ZDHHC2: variants seen among roughly 807,000 people sequenced by gnomAD.
ZDHHC2 encodes zDHHC palmitoyltransferase 2.
ZDHHC2 carries 51 observed loss-of-function variants against 55.6 expected under a neutral mutation model. The observed-to-expected ratio is 0.92, with a 90% CI of 0.73 to 1.16. The LOEUF (loss-of-function observed/expected upper bound fraction) is 1.16, where lower values mean the gene tolerates loss of function less well. Among genes scored for constraint, ZDHHC2 ranks in the 50% most tolerant of loss-of-function variants. ZDHHC2 has a pLI of 0.00. For synonymous variants in ZDHHC2, 199 were observed against 152.9 expected, an observed-to-expected ratio of 1.30 and a Z score of -2.22; for missense variants, 491 against 442.4, an observed-to-expected ratio of 1.11 and a Z score of -0.99.
intron 1 of ZDHHC2, among the ~76,000 whole-genome samples, chr8:17,165,589 T>C (rs990649653): frequency 4.6e-5 from 7 of 152,214 alleles, no homozygotes; most frequent in East Asian, 3.8e-4. Flanking sequence ...CCATAATTCA[T>C]TGGACACCCT....
chr8:17,163,287 C>G lies in ZDHHC2; in HGVS notation c.130+6434C>G, dbSNP rs548488908. ...CTCCCCCAGCCTGGTAACAGCGGGT[C>G]CAGTGTTCCAGCCTGGGCAGTGTCC... On this transcript the variant is annotated intron_variant, in intron 1 of 12. Transcript: ENST00000262096. Among the ~76,000 whole-genome samples the G allele has an allele frequency of 2.1e-3, 324 of 152,258 alleles. 1 individual carries two copies. The highest frequency in any genetic ancestry group is 7.4e-3 in the African/African-American group (308 of 41,574).
intron 1 of ZDHHC2, among the ~76,000 whole-genome samples, chr8:17,174,096 CTT>C (rs759114642): frequency 4.2e-5 from 6 of 141,882 alleles, no homozygotes; most frequent in Admixed American, 7.1e-5. Flanking sequence ...TCTTCTTCTT[CTT>C]TTTTTTTTTT....
At chr8:17,166,405 T>C (rs1804601863) in intron 1 of ZDHHC2, among the ~76,000 whole-genome samples, 1 of 152,134 alleles carries the variant, frequency 6.6e-6, no homozygotes, top group Non-Finnish European at 1.5e-5. Flanking sequence ...AAGGCATCAG[T>C]TAGGTGGCGT....
At position 17,162,857 on chromosome 8, in the gene ZDHHC2, A is replaced by G. The variant is rs144749251; in HGVS notation, c.130+6004A>G. 7.9e-5 allele frequency: 12 copies of G among 152,380 alleles called. No individual in the cohort carries two copies. The East Asian group carries it at 1.9e-3, about 25-fold the overall frequency. 9.4% of individuals were successfully genotyped at this position (152,380 alleles called of 1,614,324 possible). A position where few individuals can be genotyped will look rare whatever the true frequency, so the allele number is the denominator to read the frequency against. ...CCTGGCCAATGGAAAAGGATAAACAATGAGGCAGGTAAAAAGAGCTTTTGG... is the reference window on the plus strand; with the variant it reads ...CCTGGCCAATGGAAAAGGATAAACAGTGAGGCAGGTAAAAAGAGCTTTTGG... On this transcript the variant is annotated intron_variant, in intron 1 of 12. Coordinates refer to ENST00000262096, the MANE Select transcript of ZDHHC2 (RefSeq NM_016353.5).
chr8:17,207,048 G>A (rs1332494283), intron 7 of ZDHHC2, among the ~76,000 whole-genome samples: 4 of 152,102 alleles, frequency 2.6e-5, no homozygotes, highest in African/African-American at 9.7e-5. Flanking sequence ...TCCTTCCTGT[G>A]GATGATTTTA....
chr8:17,176,217 T>C (rs1805123687), intron 1 of ZDHHC2, among the ~76,000 whole-genome samples: 1 of 152,138 alleles, frequency 6.6e-6, no homozygotes, highest in African/African-American at 2.4e-5. Context: ...TCGATTGCCT[T>C]GCCCCGTGTT....
At chr8:17,170,358 AT>A (rs1322746082) in intron 1 of ZDHHC2, among the ~76,000 whole-genome samples, 1 of 152,162 alleles carries the variant, frequency 6.6e-6, no homozygotes, top group Non-Finnish European at 1.5e-5. Context: ...TAAATATTTG[AT>A]TTCATCTCTT....
intron 3 of ZDHHC2, 40 bp downstream of exon 3, chr8:17,186,465 A>G (rs1805716551): frequency 8.1e-7 from 1 of 1,230,972 alleles, no homozygotes; most frequent in East Asian, 2.9e-5. Flanking sequence ...AATAATAGAA[A>G]TCAATAATAC....
chr8:17,194,220 A>G lies in ZDHHC2; in HGVS notation c.253-1284A>G, dbSNP rs780659856. 2.6e-5 allele frequency among the ~76,000 whole-genome samples: 4 copies of G among 152,176 alleles called. No individual in the cohort carries two copies. In the South Asian group the frequency reaches 6.2e-4, roughly 24 times the overall value. Reference sequence around the variant, plus strand: ...CTTCGCTATTGTGAACAGTGCCGCAATAAACATATGTGTGCCTCTGTCTTT... The same window carrying G: ...CTTCGCTATTGTGAACAGTGCCGCAGTAAACATATGTGTGCCTCTGTCTTT... On this transcript the variant is annotated intron_variant, in intron 3 of 12. Coordinates refer to ENST00000262096, the MANE Select transcript of ZDHHC2 (RefSeq NM_016353.5).
At chr8:17,199,515 GTCT>G (rs1217120221) in intron 6 of ZDHHC2, among the ~76,000 whole-genome samples, 2 of 35,394 alleles carry the variant, frequency 5.7e-5, no homozygotes, top group Non-Finnish European at 7.3e-5. Flanking sequence ...CTTCTTCTTC[GTCT>G]TCGTCTTCGT....
At chr8:17,168,222 C>T (rs549890857) in intron 1 of ZDHHC2, among the ~76,000 whole-genome samples, 1 of 152,166 alleles carries the variant, frequency 6.6e-6, no homozygotes, top group African/African-American at 2.4e-5. Flanking sequence ...TTTTGAATCT[C>T]AAGCACTGAG....
intron 1 of ZDHHC2, among the ~76,000 whole-genome samples, chr8:17,162,317 T>C (rs1452264915): frequency 1.3e-5 from 2 of 152,208 alleles, no homozygotes; most frequent in African/African-American, 4.8e-5. Context: ...TCTTATTCAA[T>C]TGTATAATGC....
intron 6 of ZDHHC2, among the ~76,000 whole-genome samples, chr8:17,201,069 A>T (rs982627986): frequency 3.2e-4 from 48 of 152,326 alleles, no homozygotes; most frequent in African/African-American, 1.1e-3. Flanking sequence ...TTAATTTCAA[A>T]TTAAAGTTTT....
At chr8:17,178,122 G>T (rs1805241976) in intron 1 of ZDHHC2, among the ~76,000 whole-genome samples, 1 of 152,046 alleles carries the variant, frequency 6.6e-6, no homozygotes, top group Admixed American at 6.5e-5. Flanking sequence ...CTGAAAGCTT[G>T]AATTTTGGAT....
At position 17,156,600 on chromosome 8, in the gene ZDHHC2, GGCCGCAGCGCACCCCGCC is replaced by G; in HGVS notation, c.-118_-101del. ...GAGTTAGCGCCACGGCGGCGGCAGT[GGCCGCAGCGCACCCCGCC>G]GCCGCCCAGGAGCCCGTCCAGCCAG... On this transcript the variant is annotated 5_prime_UTR_variant, in exon 1 of 13. Transcript: ENST00000262096. The G allele has an allele frequency of 2.7e-6, 2 of 741,508 alleles. No individual in the cohort carries two copies. Among genetic ancestry groups the G allele is most frequent in the Non-Finnish European group, 3.3e-6 (2 of 599,770 alleles). The allele number at this position is 741,508 out of a possible 1,614,324, so 45.9% of individuals were successfully genotyped here.
intron 10 of ZDHHC2, 71 bp from the exon 11 acceptor site, chr8:17,215,166 T>G: frequency 4.3e-6 from 6 of 1,408,390 alleles, no homozygotes; most frequent in African/African-American, 1.4e-5. Flanking sequence ...TTCCATACAT[T>G]GAGAAACAAT....
chr8:17,211,958 C>G (rs1807406514), intron 10 of ZDHHC2, among the ~76,000 whole-genome samples: 1 of 151,588 alleles, frequency 6.6e-6, no homozygotes, highest in South Asian at 2.1e-4. Flanking sequence ...ACTTTTTTGC[C>G]CTTTGTGTTT....
chr8:17,202,721 T>TTATATATATATATATA (rs71964858), intron 6 of ZDHHC2, among the ~76,000 whole-genome samples: 1 of 138,134 alleles, frequency 7.2e-6, no homozygotes, highest in African/African-American at 2.9e-5. Context: ...TTTCTTCTAG[T>TTATATATATATATATA]TATATATATA....
Position 17,205,765 on chromosome 8 carries a change from A to C in ZDHHC2, c.587A>C (p.Lys196Thr), listed in dbSNP as rs1563166008. The C allele has an allele frequency of 3.1e-6, 5 of 1,603,850 alleles. No homozygotes were observed. Among genetic ancestry groups the C allele is most frequent in the Non-Finnish European group, 4.2e-6 (5 of 1,177,002 alleles). The change falls in exon 7 of 13, where the codon AAA becomes ACA. Residue 196 changes from lysine to threonine, a missense_variant. By Grantham distance (78) the Lys-to-Thr change is moderately conservative. Coordinates refer to ENST00000262096, the MANE Select transcript of ZDHHC2 (RefSeq NM_016353.5). Reference protein sequence around the residue: ...IAATDLQYFIKFWTNGLPDTQ... With the variant: ...IAATDLQYFITFWTNGLPDTQ... ...GCAACAGATTTACAGTATTTTATCA[A>C]ATTTTGGACAGTAAGTCATTAACTT...
Sources: gnomAD v4.1 joint callset for allele counts (sites outside exome capture counted in the v4.1 genomes callset) on GRCh38, gnomAD v4.1.1 for gene constraint, MANE v1.5 for transcripts, NCBI Gene and HGNC (gene_info 2026-07-23, HGNC 2026-07-21) for gene names.